The following PABPC4L variants were observed in gnomAD, a reference collection of about 807,000 sequenced individuals.
PABPC4L encodes poly(A) binding protein cytoplasmic 4 like.
For synonymous variants in PABPC4L, 169 were observed against 164.1 expected (o/e 1.03, Z -0.23); for missense variants, 452 against 451.4 (o/e 1.00, Z -0.01).
chr4:134,049,317 A>G, the PABPC4L span, among the ~76,000 whole-genome samples: 2 of 152,128 alleles, frequency 1.3e-5, no homozygotes, highest in South Asian at 2.1e-4. Context: ...ATTATTAACA[A>G]TTCCAAGATG....
the PABPC4L span, among the ~76,000 whole-genome samples, chr4:134,064,891 C>T: frequency 6.6e-6 from 1 of 151,944 alleles, no homozygotes; most frequent in African/African-American, 2.4e-5. Flanking sequence ...GGATACTGGC[C>T]TCCAGTTGCA....
chr4:134,150,570 C>T, the PABPC4L span, among the ~76,000 whole-genome samples: 2 of 152,064 alleles, frequency 1.3e-5, no homozygotes, highest in Non-Finnish European at 2.9e-5. Flanking sequence ...TAGATTCCTA[C>T]TTTGTGGGTG....
chr4:134,159,676 G>C, the PABPC4L span, among the ~76,000 whole-genome samples: 9 of 152,198 alleles, frequency 5.9e-5, no homozygotes, highest in Admixed American at 5.2e-4. Flanking sequence ...ACGTGGCCAG[G>C]GGCCCCAAAT....
chr4:134,023,319 T>C, the PABPC4L span, among the ~76,000 whole-genome samples: 1 of 152,164 alleles, frequency 6.6e-6, no homozygotes, highest in Non-Finnish European at 1.5e-5. Flanking sequence ...AAGCCTGTAA[T>C]ATAATTCAAA....
At chr4:134,164,582 A>T in the PABPC4L span, among the ~76,000 whole-genome samples, 105,719 of 152,016 alleles carry the variant, frequency 0.7, 38,117 homozygotes, top group East Asian at 1. Context: ...GTGAAAGATC[A>T]TTACAAGGAG....
chr4:134,158,552 C>A, the PABPC4L span, among the ~76,000 whole-genome samples: 1 of 151,950 alleles, frequency 6.6e-6, no homozygotes, highest in African/African-American at 2.4e-5. Flanking sequence ...TAATAGTTTT[C>A]TTTGGCACAA....
At chr4:134,053,177 C>G in the PABPC4L span, among the ~76,000 whole-genome samples, 2 of 151,968 alleles carry the variant, frequency 1.3e-5, no homozygotes, top group African/African-American at 2.4e-5. Flanking sequence ...AAATTTCTTT[C>G]CTAAAGACAC....
the PABPC4L span, among the ~76,000 whole-genome samples, chr4:133,969,798 C>T: frequency 1.3e-5 from 2 of 152,074 alleles, no homozygotes; most frequent in African/African-American, 4.8e-5. Context: ...ACGCACACTA[C>T]CAAACACACA....
At chr4:133,990,400 C>T in the PABPC4L span, among the ~76,000 whole-genome samples, 2 of 152,168 alleles carry the variant, frequency 1.3e-5, no homozygotes, top group Admixed American at 6.5e-5. Context: ...CTCATTAAGA[C>T]TGTCAACTTA....
the PABPC4L span, among the ~76,000 whole-genome samples, chr4:134,079,370 G>A: frequency 6.6e-6 from 1 of 150,626 alleles, no homozygotes; most frequent in Non-Finnish European, 1.5e-5. Flanking sequence ...TCACGAGGTC[G>A]GAGATCGAGA....
At chr4:134,174,740 T>C in the PABPC4L span, among the ~76,000 whole-genome samples, 25 of 152,300 alleles carry the variant, frequency 1.6e-4, no homozygotes, top group African/African-American at 5.5e-4. Context: ...GTTCTCCTTT[T>C]TGTTTAAACT....
the PABPC4L span, among the ~76,000 whole-genome samples, chr4:134,178,614 T>C: frequency 7.9e-5 from 12 of 152,200 alleles, no homozygotes; most frequent in Middle Eastern, 3.4e-3. Flanking sequence ...TTACAGGAGA[T>C]AGTTGAAACC....
the PABPC4L span, among the ~76,000 whole-genome samples, chr4:133,994,041 G>C: frequency 6.6e-6 from 1 of 152,166 alleles, no homozygotes; most frequent in African/African-American, 2.4e-5. Flanking sequence ...CTCTTTGAGT[G>C]CTAGTAAATC....
At chr4:134,117,740 A>T in the PABPC4L span, among the ~76,000 whole-genome samples, 2 of 151,750 alleles carry the variant, frequency 1.3e-5, no homozygotes, top group African/African-American at 2.4e-5. Context: ...AATATATATT[A>T]AAAAATGGCA....
the PABPC4L span, among the ~76,000 whole-genome samples, chr4:134,187,335 C>T: frequency 6.6e-6 from 1 of 151,890 alleles, no homozygotes; most frequent in African/African-American, 2.4e-5. Context: ...AAATTTGGCA[C>T]ATATACACCA....
chr4:134,021,631 G>A, the PABPC4L span, among the ~76,000 whole-genome samples: 1 of 152,098 alleles, frequency 6.6e-6, no homozygotes, highest in African/African-American at 2.4e-5. Flanking sequence ...TCTAGTTAAG[G>A]ACCATAATTA....
the PABPC4L span, among the ~76,000 whole-genome samples, chr4:133,955,045 A>T: frequency 6.6e-6 from 1 of 152,188 alleles, no homozygotes; most frequent in East Asian, 1.9e-4. Flanking sequence ...AAATATTAAA[A>T]ATACAAGTAT....
chr4:134,164,818 C>A, the PABPC4L span, among the ~76,000 whole-genome samples: 1 of 151,948 alleles, frequency 6.6e-6, no homozygotes, highest in Non-Finnish European at 1.5e-5. Flanking sequence ...ATAGCCAAAG[C>A]AATCTTAAGC....
At chr4:133,968,458 C>A in the PABPC4L span, among the ~76,000 whole-genome samples, 1 of 152,144 alleles carries the variant, frequency 6.6e-6, no homozygotes, top group African/African-American at 2.4e-5. Context: ...TTGTCTAGGA[C>A]GTCTTGGGGC....
Sources: gnomAD v4.1 joint callset for allele counts (sites outside exome capture counted in the v4.1 genomes callset) on GRCh38, gnomAD v4.1.1 for gene constraint, MANE v1.5 for transcripts, NCBI Gene and HGNC (gene_info 2026-07-23, HGNC 2026-07-21) for gene names.